The following LYRM4 variants were observed in gnomAD, a reference collection of about 807,000 sequenced individuals.
LYRM4 encodes the protein LYR motif-containing protein 4.
Under a neutral mutation model 11.7 loss-of-function variants are expected in LYRM4, and 9 were observed. The ratio of observed to expected loss-of-function variants is 0.77; its 90% CI spans 0.46 to 1.34. The LOEUF (loss-of-function observed/expected upper bound fraction) is 1.34, where lower values mean the gene tolerates loss of function less well. Ranked by LOEUF, LYRM4 falls within the 40% of genes most tolerant of loss-of-function variation. The pLI is 0.00. For missense variants in LYRM4, 133 were observed against 112.5 expected (o/e 1.18, Z -0.82); for synonymous variants, 42 against 40.4 (o/e 1.04, Z -0.15).
chr6:5,260,132 C>T (rs1020659587), intron 1 of LYRM4, among the ~76,000 whole-genome samples: 1 of 152,146 alleles, frequency 6.6e-6, no homozygotes, highest in Non-Finnish European at 1.5e-5. Flanking sequence ...CGCATTTCCA[C>T]CATACCCTAA....
chr6:5,147,416 T>A (rs73717686), intron 2 of LYRM4, among the ~76,000 whole-genome samples: 16,018 of 152,190 alleles, frequency 0.11, 925 homozygotes, highest in South Asian at 0.23. Context: ...CAGTAAACAA[T>A]CACTGCAGGA....
At chr6:5,120,758 A>G (rs1763415547) in intron 2 of LYRM4, among the ~76,000 whole-genome samples, 1 of 152,134 alleles carries the variant, frequency 6.6e-6, no homozygotes, top group South Asian at 2.1e-4. Flanking sequence ...GTGCATTTTT[A>G]CAGAGCACTG....
At position 5,144,371 on chromosome 6, in the gene LYRM4, C is replaced by T. The variant is rs1006687913; in HGVS notation, c.208-34880G>A. ...TGTCAGGTGAGGCCGGGTGCGGTGGCTGAAGCCTGTAATTCCAGCACTTTG... is the reference window on the plus strand; with the variant it reads ...TGTCAGGTGAGGCCGGGTGCGGTGGTTGAAGCCTGTAATTCCAGCACTTTG... On this transcript the variant is annotated intron_variant, in intron 2 of 2. Transcript: ENST00000330636. 14 of 1,270,400 alleles carry T rather than the reference C, an allele frequency of 1.1e-5. No individual in the cohort carries two copies. The African/African-American group carries it at 2.1e-4, about 19-fold the overall frequency. The allele number at this position is 1,270,400 out of a possible 1,614,324, so 78.7% of individuals were successfully genotyped here. A position where few individuals can be genotyped will look rare whatever the true frequency, so the allele number is the denominator to read the frequency against.
rs1561907020 is a variant in LYRM4, at chr6:5,256,489, TGGAAAAAAAAAAAA to T, written c.86+4145_86+4158del. On this transcript the variant is annotated intron_variant, in intron 1 of 2. Coordinates refer to ENST00000330636, the MANE Select transcript of LYRM4 (RefSeq NM_020408.6). ...TGGGCAACAAGGGCAAGATTTCAAC[TGGAAAAAAAAAAAA>T]AAAAAAAAAAAAAAAAAAAAAAAAA... 1.9e-4 allele frequency among the ~76,000 whole-genome samples: 2 copies of T among 10,496 alleles called. 1 individual carries two copies. The highest frequency in any genetic ancestry group is 2.8e-4 in the Non-Finnish European group (2 of 7,248). The allele number at this position is 10,496 out of a possible 152,430, so 6.9% of individuals were successfully genotyped here.
At chr6:5,196,139 TGGC>T in intron 2 of LYRM4, among the ~76,000 whole-genome samples, 1 of 152,170 alleles carries the variant, frequency 6.6e-6, no homozygotes, top group Non-Finnish European at 1.5e-5. Flanking sequence ...TGGGGCAACG[TGGC>T]TCCGACCCCG....
At chr6:5,036,258 T>C in the LYRM4 span, among the ~76,000 whole-genome samples, 2 of 152,210 alleles carry the variant, frequency 1.3e-5, no homozygotes, top group Admixed American at 1.3e-4. Flanking sequence ...ATGAGTTTTC[T>C]CAGTGTAATT....
At chr6:5,034,802 C>G in the LYRM4 span, 4 of 41,838 alleles carry the variant, frequency 9.6e-5, no homozygotes. Context: ...TGTTGTGAGT[C>G]TGAAAGCCAA....
intron 2 of LYRM4, among the ~76,000 whole-genome samples, chr6:5,133,702 CTATT>C (rs1764060253): frequency 6.6e-6 from 1 of 152,192 alleles, no homozygotes; most frequent in African/African-American, 2.4e-5. Context: ...ATCATCAACA[CTATT>C]TAGTTCTGGA....
At chr6:5,094,238 T>G in the LYRM4 span, among the ~76,000 whole-genome samples, 1 of 152,262 alleles carries the variant, frequency 6.6e-6, no homozygotes, top group African/African-American at 2.4e-5. Flanking sequence ...CCCCAGCACT[T>G]TGGGAGGCTG....
the LYRM4 span, among the ~76,000 whole-genome samples, chr6:5,074,133 C>CA: frequency 6.6e-6 from 1 of 152,216 alleles, no homozygotes; most frequent in East Asian, 1.9e-4. Context: ...GCCACTCCAA[C>CA]AGCCTCTTAT....
At chr6:5,258,650 C>T (rs1222934572) in intron 1 of LYRM4, among the ~76,000 whole-genome samples, 1 of 152,110 alleles carries the variant, frequency 6.6e-6, no homozygotes, top group Non-Finnish European at 1.5e-5. Context: ...GAGGTAATAG[C>T]AGGAATGTCG....
intron 2 of LYRM4, among the ~76,000 whole-genome samples, chr6:5,155,883 G>A (rs979916465): frequency 2.6e-5 from 4 of 152,186 alleles, no homozygotes; most frequent in Non-Finnish European, 4.4e-5. Context: ...CATGTTCCCT[G>A]TGAAATACAC....
In LYRM4 at chr6:5,108,939, CT is replaced by C. The variant is rs527700519; in HGVS notation, c.*483del. Reference sequence around the variant, plus strand: ...CCCCCAGTCTCAAGTGGTGCTTGAACTTGCCTTCACCAAGGCAGTTCTCGTC... The same window carrying C: ...CCCCCAGTCTCAAGTGGTGCTTGAACTGCCTTCACCAAGGCAGTTCTCGTC... On this transcript the variant is annotated 3_prime_UTR_variant, in exon 3 of 3. Coordinates refer to ENST00000330636, the MANE Select transcript of LYRM4 (RefSeq NM_020408.6). 2,228 of 996,442 alleles carry C rather than the reference CT, an allele frequency of 2.2e-3. 4 individuals are homozygous for C. Among genetic ancestry groups the C allele is most frequent in the Non-Finnish European group, 2.6e-3 (2,135 of 835,672 alleles). The allele number at this position is 996,442 out of a possible 1,614,324, so 61.7% of individuals were successfully genotyped here. A position where few individuals can be genotyped will look rare whatever the true frequency, so the allele number is the denominator to read the frequency against.
intron 2 of LYRM4, among the ~76,000 whole-genome samples, chr6:5,189,013 A>G (rs1760590433): frequency 6.6e-6 from 1 of 152,158 alleles, no homozygotes; most frequent in Non-Finnish European, 1.5e-5. Flanking sequence ...TGCTTGTCTC[A>G]GCCTCCCAAA....
chr6:5,152,028 C>A (rs545167129), intron 2 of LYRM4, among the ~76,000 whole-genome samples: 1 of 152,296 alleles, frequency 6.6e-6, no homozygotes, highest in South Asian at 2.1e-4. Context: ...AGCAAGCTCC[C>A]AGACATGGGT....
the LYRM4 span, among the ~76,000 whole-genome samples, chr6:5,064,287 C>T: frequency 5.9e-5 from 9 of 152,070 alleles, no homozygotes; most frequent in Admixed American, 3.3e-4. Flanking sequence ...AAGCCCTGAA[C>T]GGCAAACGAG....
the LYRM4 span, among the ~76,000 whole-genome samples, chr6:5,064,489 G>A: frequency 6.6e-6 from 1 of 152,154 alleles, no homozygotes; most frequent in Non-Finnish European, 1.5e-5. Context: ...GAATATGAAT[G>A]TAATGTATTT....
the LYRM4 span, among the ~76,000 whole-genome samples, chr6:5,039,699 T>A: frequency 6.6e-6 from 1 of 152,114 alleles, no homozygotes; most frequent in Non-Finnish European, 1.5e-5. Flanking sequence ...AATTAAAAAT[T>A]AACACTAAAT....
At chr6:5,071,739 A>G in the LYRM4 span, among the ~76,000 whole-genome samples, 1 of 152,014 alleles carries the variant, frequency 6.6e-6, no homozygotes, top group African/African-American at 2.4e-5. Context: ...CCTGGCTCAC[A>G]CGATTCTCCT....
Sources: gnomAD v4.1 joint callset for allele counts (sites outside exome capture counted in the v4.1 genomes callset) on GRCh38, gnomAD v4.1.1 for gene constraint, MANE v1.5 for transcripts, NCBI Gene and HGNC (gene_info 2026-07-23, HGNC 2026-07-21) for gene names.